TOLLIP: variants seen among roughly 807,000 people sequenced by gnomAD.
TOLLIP encodes the protein toll interacting protein.
A neutral mutation model predicts 33.5 loss-of-function variants in TOLLIP; 16 were observed. The observed-to-expected ratio is 0.48, with a 90% confidence interval of 0.32 to 0.72. The LOEUF is 0.72. TOLLIP is among the 30% of genes least tolerant of loss of function. The probability of loss-of-function intolerance (pLI) is 0.03; values close to 1 mark genes in which losing one functional copy is unlikely to be tolerated. For missense variants in TOLLIP, 325 were observed against 396.6 expected, an observed-to-expected ratio of 0.82 and a Z score of 1.53; for synonymous variants, 176 against 163.7, an observed-to-expected ratio of 1.07 and a Z score of -0.57.
At chr11:1,305,940 G>A (rs999820008) in intron 1 of TOLLIP, 5 of 151,894 alleles carry the variant, frequency 3.3e-5, no homozygotes, top group East Asian at 3.9e-4. Context: ...GATACTCCTC[G>A]CGGGGGCCCG....
intron 2 of TOLLIP, among the ~76,000 whole-genome samples, chr11:1,294,341 G>A (rs1323876560): frequency 1.7e-5 from 1 of 58,146 alleles, no homozygotes; most frequent in African/African-American, 7.2e-5. Flanking sequence ...ACGAAAGCCC[G>A]CGTGGCTCAC....
chr11:1,306,522 C>A (rs5743869), intron 1 of TOLLIP, among the ~76,000 whole-genome samples: 6,648 of 152,224 alleles, frequency 0.044, 165 homozygotes, highest in Middle Eastern at 0.099. Context: ...TCCTGCCTCT[C>A]TGGCACCACA....
chr11:1,293,939 C>T (rs542410247), intron 2 of TOLLIP, among the ~76,000 whole-genome samples: 43 of 152,356 alleles, frequency 2.8e-4, no homozygotes, highest in South Asian at 8.3e-4. Context: ...TGAGACACGC[C>T]GCGAGGAAGG....
chr11:1,283,733 T>TG (rs1489433922), intron 5 of TOLLIP: 2 of 375,746 alleles, frequency 5.3e-6, no homozygotes, highest in Non-Finnish European at 1.1e-5. Context: ...ATCTGTCATC[T>TG]GAATGCTCTT....
intron 3 of TOLLIP, 98 bp from the exon 4 acceptor site, chr11:1,288,874 AT>A: frequency 7.2e-7 from 1 of 1,386,094 alleles, no homozygotes; most frequent in Non-Finnish European, 9.8e-7. Context: ...TCCCCGTCTT[AT>A]CTGTGGAACA....
chr11:1,290,411 TGGAATGAA>T lies in TOLLIP; in HGVS notation c.184-10_184-3del. 6.2e-7 allele frequency: 1 copy of T among 1,609,886 alleles called. No individual in the cohort carries two copies. Among genetic ancestry groups the T allele is most frequent in the South Asian group, 1.1e-5 (1 of 91,042 alleles). On this transcript the variant is annotated splice_polypyrimidine_tract_variant and splice_region_variant and intron_variant, in intron 2 of 5. Coordinates refer to ENST00000317204, the MANE Select transcript of TOLLIP (RefSeq NM_019009.4). The surrounding 1 kb of genome is among the most constrained non-coding windows in gnomAD (Gnocchi z 4.9). Reference sequence around the variant, plus strand: ...GCCGTAATTCTTGGCCAACTTTGCCTGGAATGAAGCCAATGTCAGGAAAAGGAGGTGCC... The same window carrying T: ...GCCGTAATTCTTGGCCAACTTTGCCTGCCAATGTCAGGAAAAGGAGGTGCC...
intron 4 of TOLLIP, 145 bp downstream of exon 4, chr11:1,288,479 G>T: frequency 9.9e-7 from 1 of 1,013,538 alleles, no homozygotes; most frequent in Non-Finnish European, 1.4e-6. Context: ...CAGGGCCCCT[G>T]CCCTCTGTCC....
In TOLLIP at chr11:1,295,800, G is replaced by T; in HGVS notation, c.34-6C>A. On this transcript the variant is annotated splice_region_variant and splice_polypyrimidine_tract_variant and intron_variant, in intron 1 of 5. Transcript: ENST00000317204. The stretch of plus-strand genomic sequence containing the variant: ...GGGAGCTCACCGATGTACACCTGCG[G>T]GGCCGGGGACCAGAGAGGCCAGTGA... The T allele has an allele frequency of 6.4e-7, 1 of 1,551,114 alleles. No homozygotes were observed.
intron 1 of TOLLIP, among the ~76,000 whole-genome samples, chr11:1,297,527 T>C (rs1034700027): frequency 6.6e-6 from 1 of 152,246 alleles, no homozygotes; most frequent in African/African-American, 2.4e-5. Context: ...CAGCATGGCG[T>C]GTGCTCAACC....
rs748842880 is a variant in TOLLIP at position 1,290,436 on chromosome 11, G to A, written c.184-27C>T. ...TGGAATGAAGCCAATGTCAGGAAAA[G>A]GAGGTGCCAACCATCAGGAGAGGGT... is the stretch of plus-strand genomic sequence containing the variant. On this transcript the variant is annotated intron_variant, in intron 2 of 5. Coordinates refer to ENST00000317204, the MANE Select transcript of TOLLIP (RefSeq NM_019009.4). This position sits in a 1 kb window ranked among gnomAD's most constrained non-coding sequence, Gnocchi z 4.9. The A allele has an allele frequency of 1.9e-5, 30 of 1,606,816 alleles. No individual in the cohort carries two copies. The highest frequency in any genetic ancestry group is 2.6e-5 in the Non-Finnish European group (30 of 1,174,656).
rs1018567464 is a variant in TOLLIP, at chr11:1,278,061, C to T, written c.611-808G>A. On this transcript the variant is annotated intron_variant, in intron 5 of 5. Transcript: ENST00000317204. The surrounding 1 kb of genome is among the most constrained non-coding windows in gnomAD (Gnocchi z 4.7). ...TGCAATCTATCGAGCAGGAGACGCA[C>T]GGCGGTTCAGCCACTGCAGCACACA... Among the ~76,000 whole-genome samples the T allele has an allele frequency of 5.3e-5, 8 of 152,178 alleles. No homozygotes were observed. Among genetic ancestry groups the T allele is most frequent in the Non-Finnish European group, 7.3e-5 (5 of 68,038 alleles).
chr11:1,300,966 C>T (rs541160022), intron 1 of TOLLIP, among the ~76,000 whole-genome samples: 8 of 152,378 alleles, frequency 5.3e-5, no homozygotes, highest in African/African-American at 1.9e-4. Context: ...CACGCATGCA[C>T]CTGCACTTGG....
At chr11:1,280,814 C>T (rs559718623) in intron 5 of TOLLIP, among the ~76,000 whole-genome samples, 1 of 152,280 alleles carries the variant, frequency 6.6e-6, no homozygotes, top group South Asian at 2.1e-4. Context: ...CTGTCAGTCT[C>T]GTGGGGACCC....
intron 5 of TOLLIP, among the ~76,000 whole-genome samples, chr11:1,282,252 G>A (rs1310180812): frequency 6.6e-6 from 1 of 152,160 alleles, no homozygotes; most frequent in African/African-American, 2.4e-5. Context: ...CAAAGATCCC[G>A]CCTGAGGGGG....
At chr11:1,308,271 T>C in intron 1 of TOLLIP, among the ~76,000 whole-genome samples, 1 of 152,176 alleles carries the variant, frequency 6.6e-6, no homozygotes, top group Non-Finnish European at 1.5e-5. Context: ...CCGGTGATAG[T>C]GAGTTCTCAC....
chr11:1,279,990 T>G (rs1863441375), intron 5 of TOLLIP, among the ~76,000 whole-genome samples: 1 of 152,202 alleles, frequency 6.6e-6, no homozygotes, highest in African/African-American at 2.4e-5. Flanking sequence ...CAAGGCTTGT[T>G]GCTGCTTCTC....
At position 1,276,923 on chromosome 11, in the gene TOLLIP, G is replaced by A. The variant is rs138633100; in HGVS notation, c.*116C>T. ...TGGACGGGGCGGCACAGAAGTCCACGGGAGGGGGCGACACGGGTGCTCTTT... is the reference window on the plus strand; with the variant it reads ...TGGACGGGGCGGCACAGAAGTCCACAGGAGGGGGCGACACGGGTGCTCTTT... On this transcript the variant is annotated 3_prime_UTR_variant, in exon 6 of 6. Transcript: ENST00000317204. 2.5e-4 allele frequency: 396 copies of A among 1,573,300 alleles called. No individual in the cohort carries two copies. The African/African-American group carries it at 4.8e-3, about 19-fold the overall frequency.
chr11:1,280,370 G>A (rs956851450), intron 5 of TOLLIP, among the ~76,000 whole-genome samples: 13 of 152,144 alleles, frequency 8.5e-5, no homozygotes, highest in East Asian at 1.9e-4. Context: ...CAGCAGCGGC[G>A]TCCACCTGCG....
At chr11:1,284,895 A>C (rs1407725562) in intron 5 of TOLLIP, among the ~76,000 whole-genome samples, 1 of 152,138 alleles carries the variant, frequency 6.6e-6, no homozygotes, top group African/African-American at 2.4e-5. Context: ...TCCCATCGTC[A>C]GGGCTGGGTT....
Sources: allele counts gnomAD v4.1 joint callset (sites outside exome capture counted in the v4.1 genomes callset), GRCh38; gene constraint gnomAD v4.1.1; non-coding constraint Gnocchi (gnomAD v3.1); transcripts MANE v1.5; gene names NCBI Gene and HGNC (gene_info 2026-07-23, HGNC 2026-07-21).